Variants in ATP11B observed in about 807,000 individuals in gnomAD.
ATP11B encodes the protein phospholipid-transporting ATPase IF.
ATP11B carries 81 observed loss-of-function variants against 157.8 expected under a neutral mutation model. That is an observed-to-expected ratio of 0.51 (90% CI 0.43 to 0.62). The LOEUF (loss-of-function observed/expected upper bound fraction) is 0.62, where lower values mean the gene tolerates loss of function less well. Ranked by LOEUF, ATP11B falls within the 20% of genes least tolerant of loss-of-function variation. ATP11B has a pLI of 0.00. For missense variants in ATP11B, 1,165 were observed against 1,402.2 expected (o/e 0.83, Z 2.70); for synonymous variants, 451 against 469.4 (o/e 0.96, Z 0.51).
rs1237389093 is a variant in ATP11B, at chr3:182,866,440, C to T, written c.1616C>T (p.Ala539Val). The T allele has an allele frequency of 1.9e-6, 3 of 1,598,312 alleles. No individual in the cohort carries two copies. The African/African-American group carries it at 4.0e-5, about 21-fold the overall frequency. ...GAAAAGGCTCTAGTAGAAGCTGCTG[C>T]AAGGTAATTTAGTCTGATTTCCAAA... The part of the protein sequence containing the change: ...PDEKALVEAA[A>V]RIGIVFIGNS... The change falls in exon 14 of 30, where the codon GCA (alanine) becomes GTA (valine). Residue 539 changes from alanine (A) to valine (V), a missense_variant. This residue lies in a region of ATP11B where 737 missense variants were observed against 930.5 expected (regional missense o/e 0.79). Transcript: ENST00000323116.
chr3:182,917,944 C>T (rs2108601125), intron 29 of ATP11B, 79 bp from the exon 30 acceptor site: 1 of 1,562,252 alleles, frequency 6.4e-7, no homozygotes. Flanking sequence ...CATTTGGGTC[C>T]TAAGTTTTAG....
At chr3:182,836,547 A>G (rs762022407) in intron 6 of ATP11B, 77 bp downstream of exon 6, 33 of 1,554,348 alleles carry the variant, frequency 2.1e-5, no homozygotes, top group Middle Eastern at 3.4e-4. Context: ...AACTTTGGTT[A>G]AAGTAGTAAA....
intron 28 of ATP11B, among the ~76,000 whole-genome samples, chr3:182,900,520 T>C (rs952148168): frequency 6.6e-6 from 1 of 152,172 alleles, no homozygotes; most frequent in African/African-American, 2.4e-5. Context: ...TTTATATCAG[T>C]GTGGACAGAC....
At chr3:182,801,437 A>G (rs915421788) in intron 1 of ATP11B, among the ~76,000 whole-genome samples, 10 of 152,206 alleles carry the variant, frequency 6.6e-5, no homozygotes, top group African/African-American at 2.4e-4. Context: ...GGTACAGGTT[A>G]TTTTTATTCT....
chr3:182,892,292 A>C (rs1404197462), intron 25 of ATP11B, among the ~76,000 whole-genome samples: 1 of 152,204 alleles, frequency 6.6e-6, no homozygotes, highest in Non-Finnish European at 1.5e-5. Flanking sequence ...CCTGTGCTAA[A>C]AATCCTTTTA....
At chr3:182,900,729 T>C (rs112920320) in intron 28 of ATP11B, among the ~76,000 whole-genome samples, 1,599 of 152,258 alleles carry the variant, frequency 0.011, 26 homozygotes, top group African/African-American at 0.036. Context: ...CACCAAAATA[T>C]ATGGATGGCA....
chr3:182,810,037 C>A (rs1040723832), intron 1 of ATP11B, among the ~76,000 whole-genome samples: 4 of 151,996 alleles, frequency 2.6e-5, no homozygotes, highest in Non-Finnish European at 5.9e-5. Flanking sequence ...AGCTAAAATT[C>A]TTCTGTTTTT....
chr3:182,829,400 G>A (rs556122069), intron 3 of ATP11B, among the ~76,000 whole-genome samples: 1 of 152,314 alleles, frequency 6.6e-6, no homozygotes, highest in African/African-American at 2.4e-5. Flanking sequence ...GCAAAGAAAT[G>A]TGAAACGAGA....
intron 13 of ATP11B, 86 bp downstream of exon 13, chr3:182,865,784 T>C: frequency 9.7e-7 from 1 of 1,028,830 alleles, no homozygotes; most frequent in Non-Finnish European, 1.4e-6. Context: ...AAAAAGTTTG[T>C]GTCAGTAGAG....
chr3:182,808,950 C>T (rs1215190534), intron 1 of ATP11B, among the ~76,000 whole-genome samples: 1 of 151,908 alleles, frequency 6.6e-6, no homozygotes, highest in Non-Finnish European at 1.5e-5. Flanking sequence ...GGTTTAGTTT[C>T]TCAGACTTTA....
intron 28 of ATP11B, among the ~76,000 whole-genome samples, chr3:182,904,502 G>C (rs73177355): frequency 0.049 from 7,435 of 152,262 alleles, 247 homozygotes; most frequent in Middle Eastern, 0.088. Context: ...ATCCATAATA[G>C]CGTAACTATT....
intron 28 of ATP11B, among the ~76,000 whole-genome samples, chr3:182,901,277 C>T (rs367748857): frequency 6.7e-6 from 1 of 149,176 alleles, no homozygotes; most frequent in East Asian, 2.0e-4. Flanking sequence ...GCATGAGAAT[C>T]GCTTGAATCT....
intron 27 of ATP11B, 135 bp from the exon 28 acceptor site, chr3:182,898,472 A>C: frequency 1.7e-6 from 1 of 573,696 alleles, no homozygotes. Flanking sequence ...AGTTCAGTTA[A>C]TTAAATTATA....
intron 25 of ATP11B, among the ~76,000 whole-genome samples, chr3:182,890,906 C>G (rs1482972149): frequency 6.6e-6 from 1 of 152,156 alleles, no homozygotes; most frequent in Non-Finnish European, 1.5e-5. Flanking sequence ...GACTTTAAAA[C>G]CTACATGCCT....
intron 1 of ATP11B, among the ~76,000 whole-genome samples, chr3:182,797,868 A>G (rs1370473020): frequency 6.6e-6 from 1 of 152,178 alleles, no homozygotes; most frequent in Non-Finnish European, 1.5e-5. Context: ...AAAGTTACCT[A>G]CGTGACTTGC....
chr3:182,868,471 C>T (rs1721409813), intron 15 of ATP11B, among the ~76,000 whole-genome samples: 1 of 151,722 alleles, frequency 6.6e-6, no homozygotes, highest in Non-Finnish European at 1.5e-5. Context: ...ATGTAAATCA[C>T]TGTGTAAGAT....
At chr3:182,908,633 G>A (rs2175066) in intron 28 of ATP11B, 1 of 152,314 alleles carries the variant, frequency 6.6e-6, no homozygotes, top group Admixed American at 6.5e-5. Context: ...AGGGAGTTTA[G>A]AAGAGTGAAT....
chr3:182,881,119 G>A (rs1346621453), intron 21 of ATP11B, 138 bp downstream of exon 21: 2 of 568,160 alleles, frequency 3.5e-6, no homozygotes, highest in Non-Finnish European at 3.0e-6. Flanking sequence ...TAATAATATA[G>A]CACAGTGTGC....
intron 28 of ATP11B, among the ~76,000 whole-genome samples, chr3:182,900,214 C>A (rs978534741): frequency 5.3e-5 from 8 of 152,260 alleles, no homozygotes; most frequent in African/African-American, 1.9e-4. Flanking sequence ...GCCTGTGAAG[C>A]CTGACAAACT....
Sources: gnomAD v4.1 joint callset for allele counts (sites outside exome capture counted in the v4.1 genomes callset) on GRCh38, gnomAD v4.1.1 for gene constraint, gnomAD v4.1.1 regional missense constraint, MANE v1.5 for transcripts, NCBI Gene and HGNC (gene_info 2026-07-23, HGNC 2026-07-21) for gene names.